Variants in HHIPL1 observed in about 807,000 individuals in gnomAD.
HHIPL1 encodes HHIP-like protein 1.
Under a neutral mutation model 61.8 loss-of-function variants are expected in HHIPL1, and 43 were observed. The ratio of observed to expected loss-of-function variants is 0.70; its 90% CI spans 0.55 to 0.90. The LOEUF is 0.90. HHIPL1 is among the 40% of genes least tolerant of loss of function. HHIPL1 has a pLI of 0.00. For missense variants in HHIPL1, 1,056 were observed against 1,157.7 expected (o/e 0.91, Z 1.28); for synonymous variants, 482 against 515.8 (o/e 0.93, Z 0.89).
Position 99,652,882 on chromosome 14 carries a change from G to A in HHIPL1, c.902+12G>A. On this transcript the variant is annotated intron_variant, in intron 2 of 8. Coordinates refer to ENST00000330710, the MANE Select transcript of HHIPL1 (RefSeq NM_001127258.3). ...CACAGCTCTGAGAGGTGGCTTCCTT[G>A]GGGAACCCGGGCCTGGGTGGGGGCA... 4 of 1,607,600 alleles carry A rather than the reference G, an allele frequency of 2.5e-6. No individual in the cohort carries two copies. The highest frequency in any genetic ancestry group is 3.4e-6 in the Non-Finnish European group (4 of 1,176,182).
chr14:99,643,104 G>T (rs1021885945), upstream of HHIPL1, among the ~76,000 whole-genome samples: 9 of 151,464 alleles, frequency 5.9e-5, 1 homozygote, highest in South Asian at 1.9e-3. Flanking sequence ...GCAATGGCAC[G>T]ATCTCAGCTC....
At chr14:99,631,134 T>C in the HHIPL1 span, among the ~76,000 whole-genome samples, 1 of 150,740 alleles carries the variant, frequency 6.6e-6, no homozygotes, top group African/African-American at 2.5e-5. Flanking sequence ...TTCTTTTTTT[T>C]TTTGACAGAG....
At chr14:99,667,996 C>T (rs948019663) in intron 6 of HHIPL1, among the ~76,000 whole-genome samples, 2 of 152,174 alleles carry the variant, frequency 1.3e-5, no homozygotes, top group Admixed American at 6.5e-5. Context: ...GCCTGACACC[C>T]GGAAGACCAG....
Position 99,675,472 on chromosome 14 carries a change from AG to A in HHIPL1, c.2198del (p.Gly733AlafsTer153). 1 of 1,541,310 alleles carries A rather than the reference AG, an allele frequency of 6.5e-7. No individual in the cohort carries two copies. ...GCCGTCAAGAGAGCCGAGTTCGGCCAGGGCGGCTCGCTGCCCATTCTGCTGG... is the reference window on the plus strand; with the variant it reads ...GCCGTCAAGAGAGCCGAGTTCGGCCAGGCGGCTCGCTGCCCATTCTGCTGG... ...VRAVKRAEFGQGGSLPILLDD... is the reference protein window; with the variant it reads ...VRAVKRAEFGXGGSLPILLDD... On this transcript the variant is annotated frameshift_variant, in exon 9 of 9. Transcript: ENST00000330710. LOFTEE classifies it low-confidence loss of function (END_TRUNC). This position sits in a 1 kb window ranked among gnomAD's most constrained non-coding sequence, Gnocchi z 5.4.
intron 6 of HHIPL1, among the ~76,000 whole-genome samples, chr14:99,663,896 G>T (rs964441237): frequency 2.0e-5 from 3 of 152,232 alleles, no homozygotes; most frequent in Non-Finnish European, 4.4e-5. Context: ...GGCAGGTGTG[G>T]AAGAGAGCCT....
At chr14:99,611,600 T>G in the HHIPL1 span, among the ~76,000 whole-genome samples, 2 of 146,830 alleles carry the variant, frequency 1.4e-5, no homozygotes, top group African/African-American at 5.1e-5. Context: ...TTTTTTTTTT[T>G]TTTTTTAAAG....
At chr14:99,664,238 C>T (rs375028479) in intron 6 of HHIPL1, among the ~76,000 whole-genome samples, 3 of 152,158 alleles carry the variant, frequency 2.0e-5, no homozygotes, top group African/African-American at 7.2e-5. Flanking sequence ...GTCCCCTGCC[C>T]GGCTCAGTGC....
chr14:99,660,137 TGCTGTGGGCACGCC>T lies in HHIPL1; in HGVS notation c.1376-142_1376-129del. 1 of 673,388 alleles carries T rather than the reference TGCTGTGGGCACGCC, an allele frequency of 1.5e-6. No homozygotes were observed. 41.7% of individuals were successfully genotyped at this position (673,388 alleles called of 1,614,324 possible). On this transcript the variant is annotated intron_variant, in intron 4 of 8. Coordinates refer to ENST00000330710, the MANE Select transcript of HHIPL1 (RefSeq NM_001127258.3). The surrounding 1 kb of genome is among the most constrained non-coding windows in gnomAD (Gnocchi z 4.9). ...GACACGCTTTCCACCACGCCAGCCC[TGCTGTGGGCACGCC>T]AGCCCTGCTGTGGGCACGCCCCTCC...
At chr14:99,631,824 G>A in the HHIPL1 span, among the ~76,000 whole-genome samples, 1 of 152,168 alleles carries the variant, frequency 6.6e-6, no homozygotes, top group Non-Finnish European at 1.5e-5. Context: ...CCTTCCCTAT[G>A]GTCCAGAGAG....
chr14:99,632,717 G>C, the HHIPL1 span, among the ~76,000 whole-genome samples: 15 of 152,132 alleles, frequency 9.9e-5, no homozygotes, highest in African/African-American at 3.6e-4. Flanking sequence ...TGCTGTACAG[G>C]CAAGCGTTAA....
chr14:99,662,067 G>A (rs532237059), intron 5 of HHIPL1, among the ~76,000 whole-genome samples: 26 of 152,246 alleles, frequency 1.7e-4, no homozygotes, highest in African/African-American at 6.0e-4. Context: ...GAGAGCCCAA[G>A]TCTCCTGACC....
chr14:99,659,254 AC>A (rs1372643956), intron 3 of HHIPL1, among the ~76,000 whole-genome samples, 173 bp from the exon 4 acceptor site: 1 of 152,200 alleles, frequency 6.6e-6, no homozygotes, highest in African/African-American at 2.4e-5. Flanking sequence ...ATGAATGGTT[AC>A]CCGGCTGTAA....
chr14:99,625,515 A>G, the HHIPL1 span: 1 of 152,222 alleles, frequency 6.6e-6, no homozygotes, highest in Non-Finnish European at 1.5e-5. Flanking sequence ...GAGGCTGGCT[A>G]GTGCCCACAA....
Position 99,652,309 on chromosome 14 carries a change from A to G in HHIPL1, c.341A>G (p.Tyr114Cys). 1 of 1,614,114 alleles carries G rather than the reference A, an allele frequency of 6.2e-7. No homozygotes were observed. Residue 114 changes from tyrosine to cysteine, a missense_variant, in exon 2 of 9, where the codon TAC becomes TGC. By Grantham distance (194) the Tyr-to-Cys change is radical. Coordinates refer to ENST00000330710, the MANE Select transcript of HHIPL1 (RefSeq NM_001127258.3). ...LRTVPGLCQDYCLDMWHKCRG... is the reference protein window; with the variant it reads ...LRTVPGLCQDCCLDMWHKCRG... ...ACGGTGCCCGGGCTCTGCCAGGATT[A>G]CTGCCTGGACATGTGGCATAAGTGC...
At chr14:99,623,063 C>T in the HHIPL1 span, among the ~76,000 whole-genome samples, 1 of 152,202 alleles carries the variant, frequency 6.6e-6, no homozygotes, top group Non-Finnish European at 1.5e-5. Flanking sequence ...TGCAGAGACG[C>T]GTGTGCTGAG....
At chr14:99,672,493 G>A in intron 8 of HHIPL1, 94 bp downstream of exon 8, 1 of 992,034 alleles carries the variant, frequency 1.0e-6, no homozygotes, top group East Asian at 2.6e-5. Flanking sequence ...CTTACCAGCT[G>A]GACCTAGATG....
chr14:99,667,142 G>A (rs1011330773), intron 6 of HHIPL1, among the ~76,000 whole-genome samples: 1 of 152,228 alleles, frequency 6.6e-6, no homozygotes, highest in African/African-American at 2.4e-5. Flanking sequence ...CAAGGACAGA[G>A]GTATTAGCAT....
Position 99,675,132 on chromosome 14 carries a change from C to T in HHIPL1, c.1855C>T (p.Arg619Trp), listed in dbSNP as rs1440005364. 11 of 1,124,358 alleles carry T rather than the reference C, an allele frequency of 9.8e-6. No homozygotes were observed. The highest frequency in any genetic ancestry group is 5.3e-5 in the Admixed American group (1 of 18,910). The allele number at this position is 1,124,358 out of a possible 1,614,324, so 69.6% of individuals were successfully genotyped here. A position where few individuals can be genotyped will look rare whatever the true frequency, so the allele number is the denominator to read the frequency against. ...KTRSTPRPTA[R>W]APTRAPRRGR... The stretch of plus-strand genomic sequence containing the variant: ...ACGGAGCACCCCGCGGCCTACAGCG[C>T]GGGCGCCCACGCGGGCGCCCCGCCG... The change falls in exon 9 of 9, where the codon CGG becomes TGG. Residue 619 changes from arginine to tryptophan, a missense_variant. Physicochemically the swap from Arg to Trp is moderately radical, Grantham distance 101. Transcript: ENST00000330710. The surrounding 1 kb of genome is among the most constrained non-coding windows in gnomAD (Gnocchi z 5.4).
At position 99,677,391 on chromosome 14, in the gene HHIPL1, T is replaced by TG. The variant is rs1016835907; in HGVS notation, c.*1770dup. On this transcript the variant is annotated 3_prime_UTR_variant, in exon 9 of 9. Coordinates refer to ENST00000330710, the MANE Select transcript of HHIPL1 (RefSeq NM_001127258.3). This position sits in a 1 kb window ranked among gnomAD's most constrained non-coding sequence, Gnocchi z 4.3. ...CTGGGAAGCAGCTGATGGAGATCCC[T>TG]GGGGGCTCCTCTTGCCTGGCAGGTG... 3.9e-5 allele frequency: 6 copies of TG among 152,298 alleles called. No individual in the cohort carries two copies. Among genetic ancestry groups the TG allele is most frequent in the African/African-American group, 1.4e-4 (6 of 41,454 alleles). The allele number at this position is 152,298 out of a possible 1,614,324, so 9.4% of individuals were successfully genotyped here.
Sources: allele counts gnomAD v4.1 joint callset (sites outside exome capture counted in the v4.1 genomes callset), GRCh38; gene constraint gnomAD v4.1.1; non-coding constraint Gnocchi (gnomAD v3.1); transcripts MANE v1.5; gene names NCBI Gene and HGNC (gene_info 2026-07-23, HGNC 2026-07-21).